SLC47A1: variants seen among roughly 807,000 people sequenced by gnomAD.
SLC47A1 encodes multidrug and toxin extrusion protein 1.
Under a neutral mutation model 65.8 loss-of-function variants are expected in SLC47A1, and 58 were observed. That is an observed-to-expected ratio of 0.88 (90% confidence interval 0.71 to 1.10). The LOEUF is 1.10. Among genes scored for constraint, SLC47A1 ranks in the 50% least tolerant of loss-of-function variants. SLC47A1 has a pLI of 0.00. For synonymous variants in SLC47A1, 285 were observed against 295.0 expected (o/e 0.97, Z 0.35); for missense variants, 706 against 719.2 (o/e 0.98, Z 0.21).
chr17:19,577,320 C>T lies in SLC47A1; in HGVS notation c.1487-7C>T, dbSNP rs2152318389. The stretch of plus-strand genomic sequence containing the variant: ...TTTTAAGCTGCTAAGTTCCTTTTTC[C>T]TCCCAGGGTGCCCTGAAAACCTTGA... On this transcript the variant is annotated splice_polypyrimidine_tract_variant and splice_region_variant and intron_variant, in intron 16 of 16. Transcript: ENST00000270570. The T allele has an allele frequency of 2.5e-6, 4 of 1,611,232 alleles. No homozygotes were observed. The highest frequency in any genetic ancestry group is 3.4e-6 in the Non-Finnish European group (4 of 1,179,114).
At chr17:19,537,417 C>T (rs1195695126) in intron 1 of SLC47A1, among the ~76,000 whole-genome samples, 2 of 152,196 alleles carry the variant, frequency 1.3e-5, no homozygotes, top group Non-Finnish European at 2.9e-5. Context: ...CCAAATTCTG[C>T]AGGGGAAGCC....
At chr17:19,554,064 G>T (rs1916532210) in intron 6 of SLC47A1, among the ~76,000 whole-genome samples, 1 of 152,212 alleles carries the variant, frequency 6.6e-6, no homozygotes, top group African/African-American at 2.4e-5. Context: ...GTAGGCCAGT[G>T]GGTTTGCAGT....
intron 10 of SLC47A1, chr17:19,559,971 G>C (rs945322720): frequency 3.8e-6 from 2 of 526,958 alleles, no homozygotes; most frequent in African/African-American, 3.9e-5. Context: ...AAGCTCTGCA[G>C]CAAAGCCCAG....
intron 2 of SLC47A1, among the ~76,000 whole-genome samples, chr17:19,544,284 T>C (rs763729946): frequency 6.6e-6 from 1 of 152,178 alleles, no homozygotes; most frequent in African/African-American, 2.4e-5. Context: ...ACATGGACAA[T>C]CCCAGGCTTA....
At chr17:19,569,174 C>A (rs1178778789) in intron 14 of SLC47A1, among the ~76,000 whole-genome samples, 1 of 151,754 alleles carries the variant, frequency 6.6e-6, no homozygotes, top group African/African-American at 2.4e-5. Context: ...GAGTTTGAGA[C>A]CAACCTGGGC....
chr17:19,570,580 G>A (rs1335590262), intron 14 of SLC47A1, among the ~76,000 whole-genome samples: 1 of 152,188 alleles, frequency 6.6e-6, no homozygotes, highest in Non-Finnish European at 1.5e-5. Flanking sequence ...ATCAAGTCCT[G>A]GCCATCTGGG....
intron 12 of SLC47A1, among the ~76,000 whole-genome samples, chr17:19,560,798 G>C (rs1274397072): frequency 6.6e-6 from 1 of 151,152 alleles, no homozygotes; most frequent in East Asian, 1.9e-4. Context: ...AGAATCTCTT[G>C]AGCCCAGGAG....
chr17:19,575,101 T>TTCTC (rs1567579546), intron 16 of SLC47A1, among the ~76,000 whole-genome samples: 1 of 79,714 alleles, frequency 1.3e-5, no homozygotes. Flanking sequence ...CTTTCTCTCT[T>TTCTC]TCTCTGTCAC....
intron 1 of SLC47A1, 99 bp from the exon 2 acceptor site, chr17:19,542,294 C>A: frequency 1.5e-6 from 1 of 674,852 alleles, no homozygotes; most frequent in Non-Finnish European, 2.4e-6. Flanking sequence ...TATTTCTTTA[C>A]TTCTGACTGG....
At chr17:19,576,841 G>C (rs532350998) in intron 16 of SLC47A1, among the ~76,000 whole-genome samples, 10 of 151,994 alleles carry the variant, frequency 6.6e-5, no homozygotes, top group Non-Finnish European at 1.5e-4. Context: ...CTGGGTTCAA[G>C]CGATTCTCCT....
At chr17:19,563,289 C>A (rs1252547701) in intron 12 of SLC47A1, among the ~76,000 whole-genome samples, 1 of 151,742 alleles carries the variant, frequency 6.6e-6, no homozygotes, top group South Asian at 2.1e-4. Flanking sequence ...CCCGCCACCA[C>A]GCTCGGCTAA....
intron 1 of SLC47A1, among the ~76,000 whole-genome samples, chr17:19,541,945 T>G (rs1916160918): frequency 6.6e-6 from 1 of 152,058 alleles, no homozygotes; most frequent in Admixed American, 6.6e-5. Context: ...ACCAACATGG[T>G]GAAACTCTGT....
At chr17:19,567,661 G>A (rs982928630) in intron 14 of SLC47A1, 3 of 197,998 alleles carry the variant, frequency 1.5e-5, no homozygotes, top group Non-Finnish European at 3.1e-5. Flanking sequence ...TATCGTAGGC[G>A]GTCCTGCGTG....
intron 12 of SLC47A1, among the ~76,000 whole-genome samples, chr17:19,564,023 C>A (rs1444465831): frequency 2.0e-5 from 3 of 150,104 alleles, no homozygotes; most frequent in Non-Finnish European, 3.0e-5. Context: ...CAGAATTTAG[C>A]AGCACATTGA....
chr17:19,545,736 C>A (rs903921815), intron 2 of SLC47A1, among the ~76,000 whole-genome samples: 8 of 152,096 alleles, frequency 5.3e-5, no homozygotes, highest in Admixed American at 3.9e-4. Flanking sequence ...ACGATCCTCC[C>A]ACCTTGGCTT....
At chr17:19,567,361 C>T (rs935035890) in intron 14 of SLC47A1, 133 bp downstream of exon 14, 3 of 1,362,708 alleles carry the variant, frequency 2.2e-6, no homozygotes, top group Non-Finnish European at 3.1e-6. Flanking sequence ...TGTGTCTTGT[C>T]AGAGAGTGTA....
Position 19,559,455 on chromosome 17 carries a change from G to A in SLC47A1, c.922-733G>A, listed in dbSNP as rs756051468. Among the ~76,000 whole-genome samples the A allele has an allele frequency of 1.6e-4, 24 of 152,324 alleles. 1 individual carries two copies. The highest frequency in any genetic ancestry group is 3.9e-4 in the Admixed American group (6 of 15,298). ...CAGGATCGTTTGAGCCCAGGAGGTC[G>A]AGGCTGTAGTGAACTATGATTGTGC... On this transcript the variant is annotated intron_variant, in intron 10 of 16. Coordinates refer to ENST00000270570, the MANE Select transcript of SLC47A1 (RefSeq NM_018242.3).
Position 19,556,055 on chromosome 17 carries a change from T to A in SLC47A1, c.914T>A (p.Val305Glu), listed in dbSNP as rs1330884334. 2 of 1,614,002 alleles carry A rather than the reference T, an allele frequency of 1.2e-6. No homozygotes were observed. Among genetic ancestry groups the A allele is most frequent in the South Asian group, 2.2e-5 (2 of 91,078 alleles). Residue 305 changes from valine (V) to glutamate (E), a missense_variant, in exon 10 of 17, where the codon GTG becomes GAG. By Grantham distance (121) the Val-to-Glu change is moderately radical. Transcript: ENST00000270570. ...QSIVYELAII[V>E]YMVPAGFSVA... ...ATCGTGTATGAACTGGCCATCATTG[T>A]GTACATGGTAAGCAGGGGAGCCGAT...
intron 16 of SLC47A1, among the ~76,000 whole-genome samples, chr17:19,576,394 C>T (rs931203356): frequency 7.0e-6 from 1 of 143,720 alleles, no homozygotes; most frequent in Non-Finnish European, 1.5e-5. Flanking sequence ...CTCTGTCACT[C>T]AGGCTGGACT....
Sources: gnomAD v4.1 joint callset for allele counts (sites outside exome capture counted in the v4.1 genomes callset) on GRCh38, gnomAD v4.1.1 for gene constraint, MANE v1.5 for transcripts, NCBI Gene and HGNC (gene_info 2026-07-23, HGNC 2026-07-21) for gene names.